The following SNX18 variants were observed in gnomAD, a reference collection of about 807,000 sequenced individuals.
SNX18 encodes the protein sorting nexin-18.
Under a neutral mutation model 48.7 loss-of-function variants are expected in SNX18, and 35 were observed. That is an observed-to-expected ratio of 0.72 (90% CI 0.55 to 0.95). SNX18 has a LOEUF of 0.95. Among genes scored for constraint, SNX18 ranks in the 40% least tolerant of loss-of-function variants. SNX18 has a pLI of 0.00. For missense variants in SNX18, 824 were observed against 871.0 expected (o/e 0.95, Z 0.68); for synonymous variants, 492 against 384.7 (o/e 1.28, Z -3.26).
the SNX18 span, among the ~76,000 whole-genome samples, chr5:54,596,661 A>G: frequency 2.0e-5 from 3 of 152,150 alleles, no homozygotes; most frequent in Non-Finnish European, 2.9e-5. Context: ...ACAGCCACCA[A>G]CTGGCTGTTC....
chr5:54,547,005 A>G (rs1293822553), downstream of SNX18, among the ~76,000 whole-genome samples: 1 of 152,264 alleles, frequency 6.6e-6, no homozygotes, highest in Non-Finnish European at 1.5e-5. Context: ...AAGGGGCCAA[A>G]GTCCCATTTG....
the SNX18 span, among the ~76,000 whole-genome samples, chr5:54,556,603 T>C: frequency 6.6e-6 from 1 of 152,228 alleles, no homozygotes; most frequent in African/African-American, 2.4e-5. Context: ...TCTCTTGCCA[T>C]GAACATAGCC....
chr5:54,612,015 C>A, the SNX18 span, among the ~76,000 whole-genome samples: 1 of 152,200 alleles, frequency 6.6e-6, no homozygotes, highest in Middle Eastern at 3.4e-3. Context: ...GTAGCTAGGA[C>A]TACAAGTGTG....
chr5:54,634,720 A>T, the SNX18 span, among the ~76,000 whole-genome samples: 1 of 152,058 alleles, frequency 6.6e-6, no homozygotes, highest in African/African-American at 2.4e-5. Flanking sequence ...TGCAAATATG[A>T]TGTTGAAATA....
the SNX18 span, among the ~76,000 whole-genome samples, chr5:54,615,451 C>A: frequency 7.5e-6 from 1 of 133,172 alleles, no homozygotes; most frequent in Non-Finnish European, 1.7e-5. Flanking sequence ...CTTGGGTCAT[C>A]TCCTCTGTAA....
chr5:54,577,091 G>T, the SNX18 span, among the ~76,000 whole-genome samples: 1 of 152,160 alleles, frequency 6.6e-6, no homozygotes, highest in Non-Finnish European at 1.5e-5. Flanking sequence ...GTGAGCCACC[G>T]TGCCCGGCCA....
the SNX18 span, among the ~76,000 whole-genome samples, chr5:54,588,144 C>G: frequency 6.6e-6 from 1 of 151,862 alleles, no homozygotes; most frequent in Non-Finnish European, 1.5e-5. Context: ...AGTATAGTGT[C>G]GCCATAATTT....
At chr5:54,550,661 G>C (rs1356108932), downstream of SNX18, among the ~76,000 whole-genome samples, 1 of 152,172 alleles carries the variant, frequency 6.6e-6, no homozygotes, top group African/African-American at 2.4e-5. Context: ...TTAGCTTACT[G>C]CAATCTCCGC....
chr5:54,578,156 T>C, the SNX18 span, among the ~76,000 whole-genome samples: 1 of 152,326 alleles, frequency 6.6e-6, no homozygotes, highest in African/African-American at 2.4e-5. Context: ...TCTTCAGCCT[T>C]GGCCCATTAA....
At chr5:54,570,386 T>G in the SNX18 span, among the ~76,000 whole-genome samples, 5 of 152,198 alleles carry the variant, frequency 3.3e-5, no homozygotes, top group Middle Eastern at 3.2e-3. Flanking sequence ...TCAGCTGCCT[T>G]AAGTTTGTGG....
the SNX18 span, among the ~76,000 whole-genome samples, chr5:54,567,495 A>C: frequency 1.3e-5 from 2 of 152,108 alleles, 1 homozygote; most frequent in East Asian, 3.9e-4. Flanking sequence ...TAGAAATTCT[A>C]AAGTTGGAAG....
chr5:54,617,517 C>T, the SNX18 span, among the ~76,000 whole-genome samples: 1 of 152,102 alleles, frequency 6.6e-6, no homozygotes, highest in African/African-American at 2.4e-5. Flanking sequence ...CTAAAGATGT[C>T]CTGTGTTCAA....
At chr5:54,618,523 C>T in the SNX18 span, among the ~76,000 whole-genome samples, 4 of 152,174 alleles carry the variant, frequency 2.6e-5, no homozygotes, top group Non-Finnish European at 2.9e-5. Context: ...AGCCTGTCTC[C>T]TTGGCTACAA....
chr5:54,590,951 G>C, the SNX18 span, among the ~76,000 whole-genome samples: 2 of 152,146 alleles, frequency 1.3e-5, no homozygotes, highest in Non-Finnish European at 2.9e-5. Context: ...GCATGGCTTA[G>C]TGAAAGCTAA....
chr5:54,571,567 G>T, the SNX18 span, among the ~76,000 whole-genome samples: 1 of 152,014 alleles, frequency 6.6e-6, no homozygotes, highest in African/African-American at 2.4e-5. Flanking sequence ...GCTCATTGAG[G>T]ACTGACGGAT....
chr5:54,519,192 C>T lies in SNX18; in HGVS notation c.1240C>T (p.Pro414Ser), dbSNP rs1027222000. Residue 414 changes from proline (P) to serine (S), a missense_variant, in exon 1 of 2, where the codon CCC (proline) becomes TCC (serine). Physicochemically the swap from Pro to Ser is moderately conservative, Grantham distance 74. Transcript: ENST00000381410. ...GANFFLTLST[P>S]PAAALDLQEV... ...CAACTTCTTCCTGACCCTTAGCACG[C>T]CCCCCGCCGCTGCCCTTGACCTGCA... 16 of 1,613,692 alleles carry T rather than the reference C, an allele frequency of 9.9e-6. No homozygotes were observed. Among genetic ancestry groups the T allele is most frequent in the Non-Finnish European group, 1.3e-5 (15 of 1,179,798 alleles).
chr5:54,521,681 G>C (rs1762035510), intron 1 of SNX18, among the ~76,000 whole-genome samples: 1 of 152,060 alleles, frequency 6.6e-6, no homozygotes, highest in Non-Finnish European at 1.5e-5. Flanking sequence ...CTCCAGCTTG[G>C]GTGACAGAGC....
At chr5:54,570,305 G>A in the SNX18 span, among the ~76,000 whole-genome samples, 3 of 152,190 alleles carry the variant, frequency 2.0e-5, no homozygotes, top group Admixed American at 6.5e-5. Context: ...CAGAGGAAGC[G>A]TGCCCCTGCT....
chr5:54,597,455 C>T, the SNX18 span, among the ~76,000 whole-genome samples: 1 of 152,154 alleles, frequency 6.6e-6, no homozygotes, highest in East Asian at 1.9e-4. Context: ...CTTCTTGGTA[C>T]CACATGACAC....
Sources: gnomAD v4.1 joint callset for allele counts (sites outside exome capture counted in the v4.1 genomes callset) on GRCh38, gnomAD v4.1.1 for gene constraint, MANE v1.5 for transcripts, NCBI Gene and HGNC (gene_info 2026-07-23, HGNC 2026-07-21) for gene names.